The following PRKCA variants were observed in gnomAD, a reference collection of about 807,000 sequenced individuals.
PRKCA encodes protein kinase C alpha.
In PRKCA, 27 loss-of-function variants were observed where a neutral mutation model predicts 87.0. That is an observed-to-expected ratio of 0.31 (90% CI 0.23 to 0.43). PRKCA has a LOEUF of 0.43. Ranked by LOEUF, PRKCA falls within the 20% of genes least tolerant of loss-of-function variation. The probability of loss-of-function intolerance (pLI) is 1.00; values close to 1 mark genes in which losing one functional copy is unlikely to be tolerated. For synonymous variants in PRKCA, 329 were observed against 311.1 expected (o/e 1.06, Z -0.61); for missense variants, 518 against 852.3 (o/e 0.61, Z 4.88).
intron 2 of PRKCA, among the ~76,000 whole-genome samples, chr17:66,322,636 A>ATTT: frequency 8.2e-6 from 1 of 122,272 alleles, no homozygotes; most frequent in African/African-American, 3.5e-5. Flanking sequence ...CTAATTTTTA[A>ATTT]TTGTTTTTTT....
intron 2 of PRKCA, among the ~76,000 whole-genome samples, chr17:66,384,132 C>T (rs924805270): frequency 2.6e-5 from 4 of 152,122 alleles, no homozygotes; most frequent in African/African-American, 9.7e-5. Context: ...ACGGAATGCT[C>T]AGTGAAAATG....
chr17:66,446,238 AACACAC>A (rs202026912), intron 2 of PRKCA, among the ~76,000 whole-genome samples: 1 of 150,786 alleles, frequency 6.6e-6, no homozygotes, highest in Non-Finnish European at 1.5e-5. Flanking sequence ...CTCTCTTCCC[AACACAC>A]ACACACACAC....
intron 11 of PRKCA, 105 bp from the exon 12 acceptor site, chr17:66,741,554 G>C: frequency 8.0e-7 from 1 of 1,243,312 alleles, no homozygotes; most frequent in South Asian, 1.3e-5. Context: ...GAGAGCCTCT[G>C]GGTCTGACAT....
intron 8 of PRKCA, among the ~76,000 whole-genome samples, chr17:66,705,968 C>T (rs927724322): frequency 2.6e-5 from 4 of 152,130 alleles, no homozygotes; most frequent in African/African-American, 9.7e-5. Context: ...AGCGGTAAAT[C>T]GCAAGGGTTC....
Position 66,528,715 on chromosome 17 carries a change from AC to A in PRKCA, c.288+32433del, listed in dbSNP as rs1967435780. On this transcript the variant is annotated intron_variant, in intron 3 of 16. Transcript: ENST00000413366. ...TAATAAATTTGTGTTGCTTTAAGTC[AC>A]TAAGTTTGTGGTATTATGTTACAGC... 3.9e-5 allele frequency among the ~76,000 whole-genome samples: 6 copies of A among 152,222 alleles called. No individual in the cohort carries two copies. The South Asian group carries it at 1.2e-3, about 32-fold the overall frequency.
At chr17:66,515,317 TAACA>T in intron 3 of PRKCA, among the ~76,000 whole-genome samples, 1 of 150,432 alleles carries the variant, frequency 6.6e-6, no homozygotes, top group South Asian at 2.1e-4. Context: ...GATAGGTAAC[TAACA>T]GTGAACTCTG....
intron 2 of PRKCA, among the ~76,000 whole-genome samples, chr17:66,472,784 G>A (rs1915377804): frequency 1.3e-5 from 2 of 152,118 alleles, no homozygotes; most frequent in Admixed American, 6.5e-5. Context: ...GGAGAATCTC[G>A]AGTTCCATGG....
At chr17:66,646,462 G>GA (rs1971459372) in intron 5 of PRKCA, among the ~76,000 whole-genome samples, 1 of 184 alleles carries the variant, frequency 5.4e-3, no homozygotes, top group Non-Finnish European at 0.01. Flanking sequence ...CCTTGCACTT[G>GA]GGGTCCCTGA....
At chr17:66,445,400 A>G (rs79957867) in intron 2 of PRKCA, among the ~76,000 whole-genome samples, 2,179 of 152,324 alleles carry the variant, frequency 0.014, 56 homozygotes, top group African/African-American at 0.05. Flanking sequence ...GAGTCCAAGC[A>G]TTGGAGGCCA....
chr17:66,773,419 C>T (rs1954454329), intron 13 of PRKCA, among the ~76,000 whole-genome samples: 1 of 151,536 alleles, frequency 6.6e-6, no homozygotes, highest in Non-Finnish European at 1.5e-5. Flanking sequence ...TACTATTATA[C>T]TCTTAGTAAA....
chr17:66,755,483 C>T (rs1974527062), intron 13 of PRKCA, among the ~76,000 whole-genome samples: 2 of 152,188 alleles, frequency 1.3e-5, no homozygotes, highest in African/African-American at 2.4e-5. Context: ...AACCCCACTG[C>T]CTGGCATTAT....
At chr17:66,318,792 T>G (rs1177250084) in intron 2 of PRKCA, among the ~76,000 whole-genome samples, 3 of 151,454 alleles carry the variant, frequency 2.0e-5, no homozygotes, top group African/African-American at 7.3e-5. Flanking sequence ...GAGGCAGAGG[T>G]TGCAGTGAGC....
intron 13 of PRKCA, among the ~76,000 whole-genome samples, chr17:66,768,631 C>T (rs774647612): frequency 6.6e-5 from 10 of 152,180 alleles, no homozygotes; most frequent in Admixed American, 1.3e-4. Context: ...GCATGTCTTA[C>T]CATGGCGGAG....
At chr17:66,409,327 T>C (rs895468174) in intron 2 of PRKCA, among the ~76,000 whole-genome samples, 3 of 152,188 alleles carry the variant, frequency 2.0e-5, no homozygotes, top group African/African-American at 7.2e-5. Context: ...AACTTGTGCC[T>C]TCTCTATTTT....
At chr17:66,596,301 G>C (rs1239956843) in intron 3 of PRKCA, among the ~76,000 whole-genome samples, 2 of 152,154 alleles carry the variant, frequency 1.3e-5, no homozygotes, top group African/African-American at 2.4e-5. Context: ...GAAAAAGCAA[G>C]CAAGAACAGG....
rs561083752 is a variant in PRKCA at position 66,354,375 on chromosome 17, T to G, written c.205+48248T>G. ...TGGGTCCTCACCTCTGCATACAGGA[T>G]GCTGAGCATGGTAGTGGTTTAATCA... is the stretch of plus-strand genomic sequence containing the variant. On this transcript the variant is annotated intron_variant, in intron 2 of 16. Coordinates refer to ENST00000413366, the MANE Select transcript of PRKCA (RefSeq NM_002737.3). 3.9e-4 allele frequency among the ~76,000 whole-genome samples: 59 copies of G among 152,238 alleles called. 1 individual carries two copies. Among genetic ancestry groups the G allele is most frequent in the Non-Finnish European group, 7.3e-4 (50 of 68,050 alleles).
chr17:66,798,674 ATGG>A (rs1975767526), intron 16 of PRKCA, among the ~76,000 whole-genome samples: 1 of 1,260 alleles, frequency 7.9e-4, no homozygotes. Context: ...GGTGGTGGTG[ATGG>A]TGGTGGTGGT....
rs570698723 is a variant in PRKCA, at chr17:66,340,325, C to T, written c.205+34198C>T. Among the ~76,000 whole-genome samples, 86 of 150,220 alleles carry T rather than the reference C, an allele frequency of 5.7e-4. No individual in the cohort carries two copies. The Middle Eastern group carries it at 0.011, about 19-fold the overall frequency. On this transcript the variant is annotated intron_variant, in intron 2 of 16. Coordinates refer to ENST00000413366, the MANE Select transcript of PRKCA (RefSeq NM_002737.3). ...GGACGACTTAGCCCTCCACAAGGGA[C>T]TGCAGAATCCTGGTATTTGAACTGG... is the stretch of plus-strand genomic sequence containing the variant.
At chr17:66,498,860 T>A (rs1167167507) in intron 3 of PRKCA, among the ~76,000 whole-genome samples, 1 of 152,084 alleles carries the variant, frequency 6.6e-6, no homozygotes, top group Non-Finnish European at 1.5e-5. Context: ...TGCCAAGATA[T>A]GGGAAGGAGT....
Sources: allele counts gnomAD v4.1 joint callset (sites outside exome capture counted in the v4.1 genomes callset), GRCh38; gene constraint gnomAD v4.1.1; transcripts MANE v1.5; gene names NCBI Gene and HGNC (gene_info 2026-07-23, HGNC 2026-07-21).